The following TNS1 variants were observed in gnomAD, a reference collection of about 807,000 sequenced individuals.
The protein encoded by TNS1 is tensin 1.
A neutral mutation model predicts 168.6 loss-of-function variants in TNS1; 62 were observed. That is an observed-to-expected ratio of 0.37 (90% CI 0.30 to 0.45). TNS1 has a LOEUF of 0.45. TNS1 is among the 20% of genes least tolerant of loss of function. TNS1 has a pLI of 1.00. For missense variants in TNS1, 2,240 were observed against 2,339.4 expected, an observed-to-expected ratio of 0.96 and a Z score of 0.88; for synonymous variants, 934 against 933.2, an observed-to-expected ratio of 1.00 and a Z score of -0.02.
intron 17 of TNS1, chr2:217,881,459 C>G (rs909141492): frequency 6.1e-6 from 1 of 162,602 alleles, no homozygotes; most frequent in African/African-American, 2.4e-5. Flanking sequence ...ACAGCCCCGA[C>G]ATTGAAAGGA....
chr2:217,985,150 A>G (rs1958163327), intron 2 of TNS1, among the ~76,000 whole-genome samples: 1 of 151,290 alleles, frequency 6.6e-6, no homozygotes, highest in African/African-American at 2.4e-5. Context: ...TTCTTTTCCC[A>G]AGGTGCCACA....
chr2:217,891,042 C>T lies in TNS1; in HGVS notation c.786G>A (p.Ala262=), dbSNP rs1483920452. 19 of 1,614,068 alleles carry T rather than the reference C, an allele frequency of 1.2e-5. No individual in the cohort carries two copies. Among genetic ancestry groups the T allele is most frequent in the African/African-American group, 4.0e-5 (3 of 74,946 alleles). Residue 262 remains alanine, a synonymous_variant, in exon 12 of 33, where the codon GCG becomes GCA. Transcript: ENST00000682258. The part of the protein sequence containing the change: ...YMHYSNISAS[A]DQALDRFAMK... ...TTGCAAACCGGTCCAGAGCCTGGTC[C>T]GCACTGCAGGGAGAGACAGGTGGTC...
intron 3 of TNS1, among the ~76,000 whole-genome samples, chr2:217,920,639 T>G (rs1345342589): frequency 6.6e-6 from 1 of 151,500 alleles, no homozygotes; most frequent in Non-Finnish European, 1.5e-5. Flanking sequence ...TTTTAAAAAC[T>G]GTGATTAGGA....
upstream of TNS1, among the ~76,000 whole-genome samples, chr2:218,013,380 A>G (rs1281521408): frequency 6.6e-6 from 1 of 152,156 alleles, no homozygotes; most frequent in Non-Finnish European, 1.5e-5. Flanking sequence ...ACTCAGACAC[A>G]GGGAACCATG....
At chr2:217,872,016 C>G (rs889642867) in intron 18 of TNS1, among the ~76,000 whole-genome samples, 1 of 152,246 alleles carries the variant, frequency 6.6e-6, no homozygotes, top group African/African-American at 2.4e-5. Flanking sequence ...AGACCCACCA[C>G]GTTGGAATCC....
At chr2:217,871,496 T>C (rs1271007808) in intron 18 of TNS1, among the ~76,000 whole-genome samples, 2 of 152,228 alleles carry the variant, frequency 1.3e-5, no homozygotes, top group African/African-American at 4.8e-5. Flanking sequence ...CCTTGGACTA[T>C]TTCCCTGAGT....
chr2:217,997,026 T>G (rs1206446010), intron 1 of TNS1, among the ~76,000 whole-genome samples: 10 of 150,718 alleles, frequency 6.6e-5, no homozygotes, highest in African/African-American at 2.4e-4. Flanking sequence ...CCACTGCACC[T>G]CTAAGACTCT....
At chr2:217,878,116 C>T (rs1215247192) in intron 18 of TNS1, among the ~76,000 whole-genome samples, 3 of 152,330 alleles carry the variant, frequency 2.0e-5, no homozygotes, top group South Asian at 2.1e-4. Context: ...CTCTGTGGGT[C>T]GGGCCAGGGG....
At chr2:217,895,647 T>G (rs767208597) in intron 8 of TNS1, among the ~76,000 whole-genome samples, 1 of 152,126 alleles carries the variant, frequency 6.6e-6, no homozygotes, top group Non-Finnish European at 1.5e-5. Context: ...CCATCCTGGG[T>G]GGGCCCAATC....
intron 18 of TNS1, chr2:217,850,608 C>CAA: frequency 1.0e-6 from 1 of 977,644 alleles, no homozygotes; most frequent in Non-Finnish European, 1.2e-6. Context: ...CACACACACA[C>CAA]ACACACACAC....
Position 217,907,259 on chromosome 2 carries a change from CAGA to C in TNS1, c.229-11_229-9del. ...ATTCTCAGTGGTGATGGGCTGTGGA[CAGA>C]AGGAGAAACAGCATGAGCCCTTAGG... On this transcript the variant is annotated splice_polypyrimidine_tract_variant and intron_variant, in intron 4 of 32. Coordinates refer to ENST00000682258, the MANE Select transcript of TNS1 (RefSeq NM_001387777.1). 1 of 703,034 alleles carries C rather than the reference CAGA, an allele frequency of 1.4e-6. No homozygotes were observed. Among genetic ancestry groups the C allele is most frequent in the South Asian group, 1.5e-5 (1 of 67,570 alleles). 43.5% of individuals were successfully genotyped at this position (703,034 alleles called of 1,614,324 possible). A position where few individuals can be genotyped will look rare whatever the true frequency, so the allele number is the denominator to read the frequency against.
At chr2:217,850,259 G>A (rs973256912) in intron 18 of TNS1, 5 of 985,400 alleles carry the variant, frequency 5.1e-6, no homozygotes, top group Non-Finnish European at 6.0e-6. Flanking sequence ...CAGTCCCTGT[G>A]CCAGAGGGGA....
At chr2:217,901,012 C>T (rs970026590) in intron 6 of TNS1, among the ~76,000 whole-genome samples, 1 of 152,108 alleles carries the variant, frequency 6.6e-6, no homozygotes, top group African/African-American at 2.4e-5. Context: ...CCAGAACAGG[C>T]AGGTGGAGCA....
rs1196139217 is a variant in TNS1, at chr2:217,848,415, G to A, written c.2102C>T (p.Ala701Val). 5 of 1,599,074 alleles carry A rather than the reference G, an allele frequency of 3.1e-6. No homozygotes were observed. The East Asian group carries it at 6.7e-5, about 21-fold the overall frequency. ...TGCAGAGTAGGAGGGCCGCATGGGG[G>A]CCGTGTGGCCAGCATGGGCAGGCCC... Reference protein sequence around the residue: ...RAGPAHAGHTAPMRPSYSAQE... With the variant: ...RAGPAHAGHTVPMRPSYSAQE... The change falls in exon 19 of 33, where the codon GCC becomes GTC. Residue 701 changes from alanine to valine, a missense_variant. Ala to Val is a moderately conservative substitution (Grantham distance 64). This residue lies in a region of TNS1 where 2,131 missense variants were observed against 2,171.2 expected (regional missense o/e 0.98). Coordinates refer to ENST00000682258, the MANE Select transcript of TNS1 (RefSeq NM_001387777.1).
At chr2:217,815,058 A>T in intron 24 of TNS1, 60 bp from the exon 25 acceptor site, 1 of 1,377,756 alleles carries the variant, frequency 7.3e-7, no homozygotes, top group Non-Finnish European at 1.0e-6. Context: ...CAAAACATAC[A>T]TCAAAGTCCT....
intron 3 of TNS1, among the ~76,000 whole-genome samples, chr2:217,946,249 C>T (rs1048771631): frequency 5.9e-5 from 9 of 152,228 alleles, no homozygotes; most frequent in Non-Finnish European, 1.3e-4. Flanking sequence ...GGCACTGTCC[C>T]CTCCTCTGAG....
intron 3 of TNS1, among the ~76,000 whole-genome samples, chr2:217,965,184 G>T (rs939648372): frequency 1.3e-5 from 2 of 152,182 alleles, no homozygotes; most frequent in Admixed American, 1.3e-4. Context: ...TATTTCTGGG[G>T]CACTTAGCTC....
intron 18 of TNS1, among the ~76,000 whole-genome samples, chr2:217,854,423 G>A (rs1297345465): frequency 2.6e-5 from 4 of 152,196 alleles, no homozygotes; most frequent in Admixed American, 2.6e-4. Context: ...TTTTCAGGAT[G>A]AGTCCCTTCA....
intron 4 of TNS1, among the ~76,000 whole-genome samples, chr2:217,918,809 GC>G (rs1955407839): frequency 7.3e-6 from 1 of 136,966 alleles, no homozygotes; most frequent in Non-Finnish European, 1.6e-5. Flanking sequence ...GCGATTTCTT[GC>G]TGGCAGTTCC....
Sources: gnomAD v4.1 joint callset for allele counts (sites outside exome capture counted in the v4.1 genomes callset) on GRCh38, gnomAD v4.1.1 for gene constraint, gnomAD v4.1.1 regional missense constraint, MANE v1.5 for transcripts, NCBI Gene and HGNC (gene_info 2026-07-23, HGNC 2026-07-21) for gene names.